Variants in RFWD3 observed in about 807,000 individuals in gnomAD.
RFWD3 encodes E3 ubiquitin-protein ligase RFWD3.
In RFWD3, 65 loss-of-function variants were observed where a neutral mutation model predicts 87.7. The observed-to-expected ratio is 0.74, with a 90% CI of 0.61 to 0.91. RFWD3 has a LOEUF of 0.91. Among genes scored for constraint, RFWD3 ranks in the 40% least tolerant of loss-of-function variants. The pLI is 0.00. For synonymous variants in RFWD3, 433 were observed against 352.8 expected, an observed-to-expected ratio of 1.23 and a Z score of -2.55; for missense variants, 1,078 against 938.5, an observed-to-expected ratio of 1.15 and a Z score of -1.94.
rs748632380 is a variant in RFWD3 at position 74,652,132 on chromosome 16, C to G, written c.519-10G>C. 4.3e-6 allele frequency: 7 copies of G among 1,611,930 alleles called. No homozygotes were observed. The highest frequency in any genetic ancestry group is 1.1e-5 in the South Asian group (1 of 91,002). ...CAATGGTGCTCTCAACCTATGTACA[C>G]AGAAAGACAACGGAATTATAGTACA... On this transcript the variant is annotated splice_polypyrimidine_tract_variant and intron_variant, in intron 2 of 12. Coordinates refer to ENST00000361070, the MANE Select transcript of RFWD3 (RefSeq NM_018124.4).
chr16:74,659,941 A>G (rs1264489366), intron 2 of RFWD3, among the ~76,000 whole-genome samples: 3 of 152,050 alleles, frequency 2.0e-5, no homozygotes, highest in Non-Finnish European at 4.4e-5. Flanking sequence ...GTCCCAGTTA[A>G]TCATCAAGAG....
At position 74,651,871 on chromosome 16, in the gene RFWD3, G is replaced by A. The variant is rs371477101; in HGVS notation, c.721+49C>T. 41 of 1,531,070 alleles carry A rather than the reference G, an allele frequency of 2.7e-5. No homozygotes were observed. The African/African-American group carries it at 5.1e-4, about 19-fold the overall frequency. The allele number at this position is 1,531,070 out of a possible 1,614,324, so 94.8% of individuals were successfully genotyped here. A position where few individuals can be genotyped will look rare whatever the true frequency, so the allele number is the denominator to read the frequency against. The stretch of plus-strand genomic sequence containing the variant: ...TAGTTTCTAGCCTTCCGAAATTTAA[G>A]CTTCATGGATGTTAGCCTTGTGAGT... On this transcript the variant is annotated intron_variant, in intron 3 of 12. Coordinates refer to ENST00000361070, the MANE Select transcript of RFWD3 (RefSeq NM_018124.4).
At position 74,623,780 on chromosome 16, in the gene RFWD3, T is replaced by C. The variant is rs1486356875; in HGVS notation, c.*148A>G. ...CACAATCTGTAGTGTCTCAGTGACC[T>C]AGGGTCCTAGAATCATACTAATGCA... is the stretch of plus-strand genomic sequence containing the variant. On this transcript the variant is annotated 3_prime_UTR_variant, in exon 13 of 13. Transcript: ENST00000361070. 2 of 759,700 alleles carry C rather than the reference T, an allele frequency of 2.6e-6. No homozygotes were observed. Among genetic ancestry groups the C allele is most frequent in the Non-Finnish European group, 4.3e-6 (2 of 470,184 alleles). The allele number at this position is 759,700 out of a possible 1,614,324, so 47.1% of individuals were successfully genotyped here. A position where few individuals can be genotyped will look rare whatever the true frequency, so the allele number is the denominator to read the frequency against.
At chr16:74,633,453 A>T (rs1959166109) in intron 8 of RFWD3, among the ~76,000 whole-genome samples, 1 of 152,184 alleles carries the variant, frequency 6.6e-6, no homozygotes, top group Non-Finnish European at 1.5e-5. Context: ...AAAAGGAATT[A>T]ACTACTAATA....
chr16:74,647,366 C>T (rs1258188424), intron 4 of RFWD3, among the ~76,000 whole-genome samples: 1 of 152,082 alleles, frequency 6.6e-6, no homozygotes, highest in Non-Finnish European at 1.5e-5. Flanking sequence ...CGGCTCACCA[C>T]AACCTCCGCC....
At chr16:74,630,675 T>C in intron 10 of RFWD3, 106 bp downstream of exon 10, 1 of 947,436 alleles carries the variant, frequency 1.1e-6, no homozygotes, top group Non-Finnish European at 1.5e-6. Context: ...AAAAAATTTG[T>C]GAGGATTTCT....
chr16:74,627,533 G>C (rs937228107), intron 11 of RFWD3, among the ~76,000 whole-genome samples: 1 of 152,026 alleles, frequency 6.6e-6, no homozygotes, highest in Non-Finnish European at 1.5e-5. Context: ...TATTTCCTGT[G>C]TTTTGTGCAC....
At chr16:74,627,433 C>A (rs957851755) in intron 11 of RFWD3, among the ~76,000 whole-genome samples, 1 of 151,974 alleles carries the variant, frequency 6.6e-6, no homozygotes, top group Non-Finnish European at 1.5e-5. Flanking sequence ...AGGGAGCAGG[C>A]CTGTCCTGGA....
chr16:74,656,913 G>A (rs1394756385), intron 2 of RFWD3, among the ~76,000 whole-genome samples: 1 of 152,210 alleles, frequency 6.6e-6, no homozygotes, highest in Non-Finnish European at 1.5e-5. Context: ...CTGCAGATGT[G>A]CTAGAAACAG....
Position 74,623,567 on chromosome 16 carries a change from A to G in RFWD3, c.*361T>C. On this transcript the variant is annotated 3_prime_UTR_variant, in exon 13 of 13. Transcript: ENST00000361070. ...AGATGGGATGTCATATTCCCCAGAA[A>G]ATGCTTGATGCCCACTCACATCCTA... 1 of 187,308 alleles carries G rather than the reference A, an allele frequency of 5.3e-6. No individual in the cohort carries two copies. Among genetic ancestry groups the G allele is most frequent in the Non-Finnish European group, 1.1e-5 (1 of 90,994 alleles). The allele number at this position is 187,308 out of a possible 1,614,324, so 11.6% of individuals were successfully genotyped here.
chr16:74,661,065 T>G lies in RFWD3; in HGVS notation c.385A>C (p.Arg129=), dbSNP rs764506999. 5.6e-6 allele frequency: 9 copies of G among 1,614,234 alleles called. No individual in the cohort carries two copies. In the South Asian group the frequency reaches 7.7e-5, roughly 14 times the overall value. The part of the protein sequence containing the change: ...SMTNFISGLQ[R]LHGMLEFLRP... ...AGGAATTCCAGCATGCCATGAAGTCTCTGCAGTCCGCTGATGAAGTTGGTC... is the reference window on the plus strand; with the variant it reads ...AGGAATTCCAGCATGCCATGAAGTCGCTGCAGTCCGCTGATGAAGTTGGTC... The change falls in exon 2 of 13, where the codon AGA becomes CGA. Residue 129 remains arginine, a synonymous_variant. Transcript: ENST00000361070.
intron 6 of RFWD3, among the ~76,000 whole-genome samples, chr16:74,641,662 C>T (rs1218308247): frequency 6.6e-6 from 1 of 151,936 alleles, no homozygotes. Context: ...CAGTGCCTCA[C>T]GCCTGTAATC....
chr16:74,647,292 T>C (rs1211517533), intron 4 of RFWD3, among the ~76,000 whole-genome samples: 1 of 152,024 alleles, frequency 6.6e-6, no homozygotes, highest in African/African-American at 2.4e-5. Context: ...AGGTGTTATT[T>C]TTATTTTTTT....
At position 74,637,949 on chromosome 16, in the gene RFWD3, C is replaced by T; in HGVS notation, c.1101G>A (p.Met367Ile). 6.2e-7 allele frequency: 1 copy of T among 1,611,384 alleles called. No homozygotes were observed. Among genetic ancestry groups the T allele is most frequent in the East Asian group, 2.2e-5 (1 of 44,852 alleles). ...RMKSSLLKEQ[M>I]LRKQAELESA... ...ATTCTAACTCGGCCTGTTTCCTTAG[C>T]ATCTGTTCCTTCAGTAGGGAACTAG... is the stretch of plus-strand genomic sequence containing the variant. The change falls in exon 7 of 13, where the codon ATG (methionine) becomes ATA (isoleucine). Residue 367 changes from methionine (M) to isoleucine (I), a missense_variant. Coordinates refer to ENST00000361070, the MANE Select transcript of RFWD3 (RefSeq NM_018124.4).
rs1567572048 is a variant in RFWD3, at chr16:74,636,575, G to T, written c.1197C>A (p.Asp399Glu). ...TTTGATGTGACGTAAGTTTTTGCAA[G>T]TCCTAAAATGAAAAAGATTTTATAA... ...KCTRLQRRVQDLQKLTSHQSQ... is the reference protein window; with the variant it reads ...KCTRLQRRVQELQKLTSHQSQ... Residue 399 changes from aspartate to glutamate, a missense_variant and splice_region_variant, in exon 8 of 13, where the codon GAC becomes GAA. Asp to Glu is a conservative substitution (Grantham distance 45). Transcript: ENST00000361070. 2.5e-6 allele frequency: 4 copies of T among 1,605,860 alleles called. No homozygotes were observed. Among genetic ancestry groups the T allele is most frequent in the African/African-American group, 2.7e-5 (2 of 74,520 alleles).
chr16:74,659,004 C>T (rs1430604431), intron 2 of RFWD3, among the ~76,000 whole-genome samples: 1 of 152,112 alleles, frequency 6.6e-6, no homozygotes, highest in African/African-American at 2.4e-5. Context: ...AAGGGATCCG[C>T]CTGCCTTGGC....
At chr16:74,629,580 CTG>C (rs1014758301) in intron 10 of RFWD3, among the ~76,000 whole-genome samples, 7 of 151,878 alleles carry the variant, frequency 4.6e-5, no homozygotes, top group Admixed American at 4.6e-4. Flanking sequence ...TGATCCAAGA[CTG>C]TGCCACTGCA....
chr16:74,652,005 A>G lies in RFWD3; in HGVS notation c.636T>C (p.Ser212=), dbSNP rs1427356954. The G allele has an allele frequency of 1.9e-6, 3 of 1,614,076 alleles. No homozygotes were observed. Among genetic ancestry groups the G allele is most frequent in the African/African-American group, 1.3e-5 (1 of 75,034 alleles). The change falls in exon 3 of 13, where the codon AGT becomes AGC. Residue 212 remains serine (S), a synonymous_variant. Transcript: ENST00000361070. ...AGCTGTCACTGTCAGAATCAGAACTACTAGACACCTGCAACTCTTCAGATA... is the reference window on the plus strand; with the variant it reads ...AGCTGTCACTGTCAGAATCAGAACTGCTAGACACCTGCAACTCTTCAGATA... ...NPVSEELQVS[S]SSDSDSDSSA...
At chr16:74,665,395 T>C (rs9931225) in intron 1 of RFWD3, 88,922 of 152,002 alleles carry the variant, frequency 0.59, 27,396 homozygotes, top group East Asian at 0.8. Flanking sequence ...ATGGCCAATA[T>C]GGTGAAACCC....
Sources: allele counts gnomAD v4.1 joint callset (sites outside exome capture counted in the v4.1 genomes callset), GRCh38; gene constraint gnomAD v4.1.1; transcripts MANE v1.5; gene names NCBI Gene and HGNC (gene_info 2026-07-23, HGNC 2026-07-21).